The following APOL2 variants were observed in gnomAD, a reference collection of about 807,000 sequenced individuals.
The protein encoded by APOL2 is apolipoprotein L, 2.
Under a neutral mutation model 7.1 loss-of-function variants are expected in APOL2, and 8 were observed. That is an observed-to-expected ratio of 1.12 (90% CI 0.66 to 2.03). The LOEUF is 2.03. APOL2 is among the 30% of genes most tolerant of loss of function. The pLI, the probability that APOL2 is intolerant of heterozygous loss-of-function variation, is 0.00. For missense variants in APOL2, 471 were observed against 415.1 expected, an observed-to-expected ratio of 1.13 and a Z score of -1.17; for synonymous variants, 177 against 159.9, an observed-to-expected ratio of 1.11 and a Z score of -0.81.
chr22:36,229,215 C>A (rs889974335), intron 4 of APOL2, among the ~76,000 whole-genome samples: 2 of 152,106 alleles, frequency 1.3e-5, no homozygotes, highest in African/African-American at 2.4e-5. Flanking sequence ...CTGCCTTTGG[C>A]GAGAATCCTG....
intron 3 of APOL2, 26 bp from the exon 4 acceptor site, chr22:36,231,492 G>A (rs528012975): frequency 2.5e-6 from 4 of 1,610,696 alleles, no homozygotes; most frequent in Admixed American, 3.3e-5. Context: ...AAAGGATAAG[G>A]TTGGAGGATA....
rs767315722 is a variant in APOL2 at position 36,227,986 on chromosome 22, GA to G, written c.431del (p.Ile144ThrfsTer26). 2 of 1,614,202 alleles carry G rather than the reference GA, an allele frequency of 1.2e-6. No homozygotes were observed. The highest frequency in any genetic ancestry group is 2.2e-5 in the South Asian group (2 of 91,082). The stretch of plus-strand genomic sequence containing the variant: ...TGCCAGTGTCCAAGAGCACAAAACT[GA>G]TTCCTTCTGTGAAGGGTGCCAGACC... ...GLGLAPFTEG[I>X]SFVLLDTGMG... On this transcript the variant is annotated frameshift_variant, in exon 5 of 5. Transcript: ENST00000358502. LOFTEE classifies it low-confidence loss of function (END_TRUNC).
intron 3 of APOL2, 83 bp downstream of exon 3, chr22:36,233,070 C>G (rs889918640): frequency 3.5e-6 from 5 of 1,408,654 alleles, no homozygotes; most frequent in Non-Finnish European, 5.0e-6. Flanking sequence ...CTGGGTTCTT[C>G]TGGGGCTCAC....
intron 4 of APOL2, among the ~76,000 whole-genome samples, chr22:36,230,344 G>A (rs529666169): frequency 5.9e-5 from 9 of 152,262 alleles, no homozygotes; most frequent in Non-Finnish European, 1.2e-4. Flanking sequence ...CAAGGCATGG[G>A]GTGAGAGACA....
chr22:36,228,032 A>G lies in APOL2; in HGVS notation c.386T>C (p.Ile129Thr). 3 of 1,614,238 alleles carry G rather than the reference A, an allele frequency of 1.9e-6. No homozygotes were observed. The highest frequency in any genetic ancestry group is 2.2e-5 in the South Asian group (2 of 91,086). Residue 129 changes from isoleucine (I) to threonine (T), a missense_variant, in exon 5 of 5, where the codon ATC becomes ACC. Transcript: ENST00000358502. ...VSNSVGTTSG[I>T]LTLLGLGLAP... is the part of the protein sequence containing the mutation. ...CAGACCCAGGCCGAGGAGGGTCAGG[A>G]TGCCAGAGGTAGTGCCAACAGAGTT...
intron 1 of APOL2, chr22:36,237,087 T>C (rs1569532971): frequency 2.0e-6 from 3 of 1,533,402 alleles, no homozygotes; most frequent in Non-Finnish European, 2.6e-6. Context: ...AGGAGCTGCA[T>C]CCAGGATCCC....
At chr22:36,239,054 C>A (rs1271230800) in intron 1 of APOL2, 2 of 1,025,066 alleles carry the variant, frequency 2.0e-6, no homozygotes, top group East Asian at 5.3e-5. Flanking sequence ...CAAGGACATG[C>A]CGGGCTCCAG....
chr22:36,236,138 C>T (rs2015397810), intron 1 of APOL2, among the ~76,000 whole-genome samples: 1 of 152,204 alleles, frequency 6.6e-6, no homozygotes, highest in Admixed American at 6.5e-5. Flanking sequence ...CTCAGCTCCA[C>T]AGTAAATAGT....
chr22:36,232,947 C>T (rs2003813), intron 3 of APOL2, among the ~76,000 whole-genome samples: 41,522 of 151,766 alleles, frequency 0.27, 6,368 homozygotes, highest in Non-Finnish European at 0.34. Context: ...GCACCTGGGC[C>T]GTGTCACCCC....
intron 4 of APOL2, among the ~76,000 whole-genome samples, chr22:36,229,608 C>T (rs765682816): frequency 6.6e-5 from 10 of 152,306 alleles, no homozygotes; most frequent in South Asian, 2.1e-4. Flanking sequence ...AAACCACAAT[C>T]GTGCAATAGC....
Position 36,227,576 on chromosome 22 carries a change from C to A in APOL2, c.842G>T (p.Gly281Val), listed in dbSNP as rs367654498. The stretch of plus-strand genomic sequence containing the variant: ...GACCACATCCAGCAGAAGCAAGATG[C>A]CTCCAGTGGCTGCACCCACGATCAT... ...GTMIVGAATG[G>V]ILLLLDVVSL... The change falls in exon 5 of 5, where the codon GGC becomes GTC. Residue 281 changes from glycine (G) to valine (V), a missense_variant. Coordinates refer to ENST00000358502, the MANE Select transcript of APOL2 (RefSeq NM_030882.4). 1.0e-4 allele frequency: 165 copies of A among 1,614,128 alleles called. No individual in the cohort carries two copies. Among genetic ancestry groups the A allele is most frequent in the Non-Finnish European group, 1.3e-4 (154 of 1,180,056 alleles).
At position 36,231,339 on chromosome 22, in the gene APOL2, C is replaced by A. The variant is rs374037766; in HGVS notation, c.137+1G>T. 3.1e-6 allele frequency: 5 copies of A among 1,613,890 alleles called. No homozygotes were observed. Among genetic ancestry groups the A allele is most frequent in the Middle Eastern group, 1.6e-4 (1 of 6,078 alleles). On this transcript the variant is annotated splice_donor_variant, in intron 4 of 4. Transcript: ENST00000358502. LOFTEE classifies it high-confidence loss of function. Reference sequence around the variant, plus strand: ...CATGGAGTTAACCCCATGGAGCTTACCTGGGCAGTTCAGCAGCAGCCACGA... The same window carrying A: ...CATGGAGTTAACCCCATGGAGCTTAACTGGGCAGTTCAGCAGCAGCCACGA...
At chr22:36,239,777 A>C, upstream of APOL2, 1 of 469,056 alleles carries the variant, frequency 2.1e-6, no homozygotes, top group Non-Finnish European at 3.9e-6. Flanking sequence ...TCAGCTGCCC[A>C]TGTCTCAGGC....
intron 4 of APOL2, 73 bp downstream of exon 4, chr22:36,231,267 G>T: frequency 6.4e-7 from 1 of 1,567,128 alleles, no homozygotes; most frequent in Non-Finnish European, 8.7e-7. Context: ...GTGCCTGTCA[G>T]GGACAACCAG....
Position 36,227,295 on chromosome 22 carries a change from G to A in APOL2, c.*109C>T, listed in dbSNP as rs145992971. ...TGAGCCACTGCACTCCATCCTGGGC[G>A]ATAGAGCGAGACTCCATCTCAAAAA... On this transcript the variant is annotated 3_prime_UTR_variant, in exon 5 of 5. Transcript: ENST00000358502. The A allele has an allele frequency of 2.7e-3, 3,616 of 1,354,936 alleles. 80 individuals are homozygous for A. The African/African-American group carries it at 0.05, about 19-fold the overall frequency. 83.9% of individuals were successfully genotyped at this position (1,354,936 alleles called of 1,614,324 possible). A position where few individuals can be genotyped will look rare whatever the true frequency, so the allele number is the denominator to read the frequency against.
chr22:36,236,814 TA>T, intron 1 of APOL2: 7 of 1,134,554 alleles, frequency 6.2e-6, no homozygotes, highest in Non-Finnish European at 6.4e-6. Flanking sequence ...GCAGCAAGAC[TA>T]AAAGGGGGAC....
At chr22:36,231,244 G>T (rs1436270052) in intron 4 of APOL2, 96 bp downstream of exon 4, 3 of 1,502,962 alleles carry the variant, frequency 2.0e-6, no homozygotes, top group Non-Finnish European at 2.7e-6. Flanking sequence ...AGAGGGGGCT[G>T]CCTGGAGGAG....
chr22:36,239,456 T>C lies in APOL2; in HGVS notation c.-149A>G. 2 of 1,530,658 alleles carry C rather than the reference T, an allele frequency of 1.3e-6. No individual in the cohort carries two copies. Among genetic ancestry groups the C allele is most frequent in the South Asian group, 2.3e-5 (2 of 86,174 alleles). 94.8% of individuals were successfully genotyped at this position (1,530,658 alleles called of 1,614,324 possible). On this transcript the variant is annotated 5_prime_UTR_variant, in exon 1 of 5. Coordinates refer to ENST00000358502, the MANE Select transcript of APOL2 (RefSeq NM_030882.4). ...CCCAACTTACCAAGGGATCTTCCTC[T>C]GACAGAGACTGAGCAAGATCCAACT...
chr22:36,233,302 C>T, intron 2 of APOL2, 61 bp from the exon 3 acceptor site: 2 of 1,602,366 alleles, frequency 1.2e-6, no homozygotes, highest in Non-Finnish European at 1.7e-6. Context: ...CAGAGGGAGG[C>T]TGGAGGGGCT....
Sources: allele counts gnomAD v4.1 joint callset (sites outside exome capture counted in the v4.1 genomes callset), GRCh38; gene constraint gnomAD v4.1.1; transcripts MANE v1.5; gene names NCBI Gene and HGNC (gene_info 2026-07-23, HGNC 2026-07-21).